The following MANBA variants were observed in gnomAD, a reference collection of about 807,000 sequenced individuals.
MANBA encodes the protein beta-mannosidase.
MANBA carries 83 observed loss-of-function variants against 111.1 expected under a neutral mutation model. That is an observed-to-expected ratio of 0.75 (90% confidence interval 0.63 to 0.90). MANBA has a LOEUF of 0.90. MANBA is among the 40% of genes least tolerant of loss of function. The pLI is 0.00. For synonymous variants in MANBA, 370 were observed against 378.7 expected (o/e 0.98, Z 0.27); for missense variants, 1,036 against 1,069.0 (o/e 0.97, Z 0.43).
Position 102,734,726 on chromosome 4 carries a change from C to T in MANBA, c.178-8043G>A, listed in dbSNP as rs1560805561. 7 of 693,058 alleles carry T rather than the reference C, an allele frequency of 1.0e-5. No individual in the cohort carries two copies. In the East Asian group the frequency reaches 1.9e-4, roughly 19 times the overall value. 42.9% of individuals were successfully genotyped at this position (693,058 alleles called of 1,614,324 possible). ...ATCCCAGGTTCAGGGTCTGAGGAGG[C>T]TGTGACACCCTCTGACCTCAGAGAT... On this transcript the variant is annotated intron_variant, in intron 1 of 16. Transcript: ENST00000647097.
At chr4:102,711,376 C>T (rs2110270059) in intron 5 of MANBA, among the ~76,000 whole-genome samples, 1 of 152,264 alleles carries the variant, frequency 6.6e-6, no homozygotes, top group African/African-American at 2.4e-5. Flanking sequence ...GTCAACATCA[C>T]TAATCATCAG....
At chr4:102,706,717 A>G (rs223511) in intron 5 of MANBA, among the ~76,000 whole-genome samples, 65,725 of 151,958 alleles carry the variant, frequency 0.43, 15,878 homozygotes, top group African/African-American at 0.66. Context: ...AAACAATTCA[A>G]AGTATCAATA....
At chr4:102,730,202 G>A (rs772515326) in intron 1 of MANBA, 15 of 642,634 alleles carry the variant, frequency 2.3e-5, no homozygotes, top group Admixed American at 5.9e-5. Context: ...CAGGAAGGCC[G>A]AACCAGATAG....
At chr4:102,661,416 A>T (rs916422677) in intron 11 of MANBA, among the ~76,000 whole-genome samples, 5 of 152,188 alleles carry the variant, frequency 3.3e-5, no homozygotes, top group African/African-American at 4.8e-5. Flanking sequence ...CCCCCACAGC[A>T]TCGGGAATGA....
At chr4:102,648,345 C>A (rs1329625852) in intron 13 of MANBA, among the ~76,000 whole-genome samples, 1 of 151,948 alleles carries the variant, frequency 6.6e-6, no homozygotes, top group African/African-American at 2.4e-5. Flanking sequence ...AACAGATGAA[C>A]CTGACGAATG....
In MANBA at chr4:102,690,681, A is replaced by T; in HGVS notation, c.764T>A (p.Ile255Asn). Residue 255 changes from isoleucine (I) to asparagine (N), a missense_variant, in exon 6 of 17, where the codon ATC becomes AAC. Ile to Asn is a moderately radical substitution (Grantham distance 149, BLOSUM62 -3). Transcript: ENST00000647097. ...KPVGGQVIVA[I>N]PKLQTQQTYS... is the part of the protein sequence containing the mutation. Reference sequence around the variant, plus strand: ...TGTCTGTTGTGTTTGCAACTTAGGGATGGCTACGATCACTTGACCACCAAC... The same window carrying T: ...TGTCTGTTGTGTTTGCAACTTAGGGTTGGCTACGATCACTTGACCACCAAC... 1 of 1,611,592 alleles carries T rather than the reference A, an allele frequency of 6.2e-7. No homozygotes were observed. Among genetic ancestry groups the T allele is most frequent in the Non-Finnish European group, 8.5e-7 (1 of 1,178,174 alleles).
At position 102,669,001 on chromosome 4, in the gene MANBA, C is replaced by G. The variant is rs754531974; in HGVS notation, c.1279G>C (p.Gly427Arg). Reference sequence around the variant, plus strand: ...TCTGCTGTCACTGAATCCAGGAAGCCCTGATCAGTTGGATAAAGGGCACAG... The same window carrying G: ...TCTGCTGTCACTGAATCCAGGAAGCGCTGATCAGTTGGATAAAGGGCACAG... ...FACALYPTDQ[G>R]FLDSVTAEVA... Residue 427 changes from glycine (G) to arginine (R), a missense_variant, in exon 10 of 17, where the codon GGC becomes CGC. Gly to Arg is a moderately radical substitution (Grantham distance 125, BLOSUM62 -2). Transcript: ENST00000647097. 6 of 1,613,642 alleles carry G rather than the reference C, an allele frequency of 3.7e-6. No individual in the cohort carries two copies. Among genetic ancestry groups the G allele is most frequent in the Non-Finnish European group, 5.1e-6 (6 of 1,179,856 alleles).
chr4:102,744,423 T>A (rs756031238), intron 1 of MANBA, among the ~76,000 whole-genome samples: 1 of 152,172 alleles, frequency 6.6e-6, no homozygotes, highest in Non-Finnish European at 1.5e-5. Context: ...GCGAAAGAGA[T>A]CAAAGTCTCT....
chr4:102,688,754 A>G (rs902976287), intron 7 of MANBA, among the ~76,000 whole-genome samples: 3 of 152,192 alleles, frequency 2.0e-5, no homozygotes, highest in African/African-American at 7.2e-5. Flanking sequence ...GTTCTTTCCA[A>G]TTCCTAGTGC....
intron 5 of MANBA, among the ~76,000 whole-genome samples, chr4:102,696,460 T>A (rs554305121): frequency 1.3e-5 from 2 of 152,326 alleles, no homozygotes; most frequent in African/African-American, 4.8e-5. Context: ...TTATAAATTA[T>A]ATCCCAATCC....
chr4:102,698,871 T>C (rs1192877206), intron 5 of MANBA, among the ~76,000 whole-genome samples: 1 of 152,066 alleles, frequency 6.6e-6, no homozygotes, highest in Non-Finnish European at 1.5e-5. Flanking sequence ...AACTTTAAAG[T>C]AGTTTTTTCC....
chr4:102,749,697 T>C (rs960356348), intron 1 of MANBA, among the ~76,000 whole-genome samples: 1 of 152,234 alleles, frequency 6.6e-6, no homozygotes, highest in Non-Finnish European at 1.5e-5. Context: ...TGAATTATTA[T>C]ACCTTTTCCA....
chr4:102,684,159 G>A (rs1461047777), intron 7 of MANBA, among the ~76,000 whole-genome samples: 2 of 151,748 alleles, frequency 1.3e-5, no homozygotes, highest in Non-Finnish European at 2.9e-5. Context: ...GAAGAGGAGA[G>A]GCATGAAACA....
intron 1 of MANBA, chr4:102,729,310 T>C: frequency 1.3e-6 from 1 of 754,316 alleles, no homozygotes; most frequent in Admixed American, 1.7e-5. Flanking sequence ...CATCTGCAGC[T>C]CCTCATCCTT....
chr4:102,640,882 G>A (rs762484285), intron 13 of MANBA, among the ~76,000 whole-genome samples: 1 of 152,164 alleles, frequency 6.6e-6, no homozygotes. Flanking sequence ...CAGAACGGAA[G>A]CCAGAAGAAA....
intron 7 of MANBA, among the ~76,000 whole-genome samples, chr4:102,686,461 A>G (rs1445510794): frequency 6.6e-6 from 1 of 152,130 alleles, no homozygotes; most frequent in Non-Finnish European, 1.5e-5. Flanking sequence ...TGGTCTAAGC[A>G]TAGTTTCCAA....
At chr4:102,731,189 A>G (rs1723022899) in intron 1 of MANBA, among the ~76,000 whole-genome samples, 1 of 152,152 alleles carries the variant, frequency 6.6e-6, no homozygotes, top group Non-Finnish European at 1.5e-5. Context: ...AAGAATTAAA[A>G]AAAAAAAAAA....
chr4:102,713,757 G>A (rs572502978), intron 5 of MANBA, among the ~76,000 whole-genome samples: 27 of 152,096 alleles, frequency 1.8e-4, no homozygotes, highest in Non-Finnish European at 3.2e-4. Context: ...TTAGCTGGGC[G>A]TGGTGGCACA....
At chr4:102,633,116 A>G (rs149600482) in intron 16 of MANBA, 4,720 of 396,850 alleles carry the variant, frequency 0.012, 55 homozygotes, top group African/African-American at 0.04. Flanking sequence ...ATATGTTATC[A>G]TTCAGGGTTC....
Sources: allele counts gnomAD v4.1 joint callset (sites outside exome capture counted in the v4.1 genomes callset), GRCh38; gene constraint gnomAD v4.1.1; transcripts MANE v1.5; gene names NCBI Gene and HGNC (gene_info 2026-07-23, HGNC 2026-07-21).